TMEM196: variants seen among roughly 807,000 people sequenced by gnomAD.
The protein encoded by TMEM196 is transmembrane protein 196.
A neutral mutation model predicts 20.0 loss-of-function variants in TMEM196; 17 were observed. The observed-to-expected ratio is 0.85, with a 90% confidence interval of 0.58 to 1.27. The LOEUF is 1.27. Ranked by LOEUF, TMEM196 falls within the 50% of genes most tolerant of loss-of-function variation. The pLI is 0.00. For missense variants in TMEM196, 267 were observed against 223.0 expected (o/e 1.20, Z -1.26); for synonymous variants, 113 against 88.9 (o/e 1.27, Z -1.52).
intron 1 of TMEM196, among the ~76,000 whole-genome samples, chr7:19,762,772 T>C (rs1356981001): frequency 1.3e-5 from 2 of 152,188 alleles, no homozygotes; most frequent in African/African-American, 4.8e-5. Context: ...TTGAGTCTGA[T>C]TTGTGACCTG....
At chr7:19,769,547 C>G (rs1199854814) in intron 1 of TMEM196, among the ~76,000 whole-genome samples, 1 of 152,068 alleles carries the variant, frequency 6.6e-6, no homozygotes, top group Admixed American at 6.6e-5. Flanking sequence ...CTCATGCCCT[C>G]CACTGCCAGT....
At chr7:19,728,072 T>A (rs1427366524) in intron 2 of TMEM196, among the ~76,000 whole-genome samples, 1 of 152,140 alleles carries the variant, frequency 6.6e-6, no homozygotes, top group Non-Finnish European at 1.5e-5. Flanking sequence ...GATTTCATCA[T>A]TTTTTTCCTT....
chr7:19,757,306 T>C (rs1224893212), intron 1 of TMEM196, among the ~76,000 whole-genome samples: 1 of 145,884 alleles, frequency 6.9e-6, no homozygotes, highest in African/African-American at 2.5e-5. Flanking sequence ...CCCAAGTAAC[T>C]GGGACTATAG....
At chr7:19,753,301 T>G (rs1402035919) in intron 1 of TMEM196, among the ~76,000 whole-genome samples, 2 of 152,186 alleles carry the variant, frequency 1.3e-5, no homozygotes, top group Non-Finnish European at 2.9e-5. Context: ...TTCTATGTTA[T>G]AACCACCACC....
At chr7:19,764,220 C>T (rs1327826095) in intron 1 of TMEM196, among the ~76,000 whole-genome samples, 7 of 152,318 alleles carry the variant, frequency 4.6e-5, no homozygotes, top group Admixed American at 3.3e-4. Flanking sequence ...ATCTCAGAAC[C>T]CAGCTGGCAT....
chr7:19,768,660 T>C (rs1562631684), intron 1 of TMEM196, among the ~76,000 whole-genome samples: 1 of 152,194 alleles, frequency 6.6e-6, no homozygotes, highest in African/African-American at 2.4e-5. Context: ...GATTTTGTGC[T>C]TTCATTGTAG....
chr7:19,725,901 G>T, intron 2 of TMEM196, 133 bp from the exon 3 acceptor site: 1 of 1,055,162 alleles, frequency 9.5e-7, no homozygotes, highest in Non-Finnish European at 1.3e-6. Context: ...GTGCTTCACA[G>T]AGGACAGGAG....
chr7:19,765,977 G>A (rs1007207116), intron 1 of TMEM196, among the ~76,000 whole-genome samples: 3 of 152,256 alleles, frequency 2.0e-5, no homozygotes, highest in East Asian at 3.9e-4. Context: ...GCAAGGAGCA[G>A]CACAGGCCAG....
intron 1 of TMEM196, among the ~76,000 whole-genome samples, chr7:19,748,187 A>G (rs1784829770): frequency 6.8e-6 from 1 of 147,208 alleles, no homozygotes; most frequent in Non-Finnish European, 1.5e-5. Flanking sequence ...CTTTATAACA[A>G]AGTTTATACA....
At chr7:19,725,870 AAAG>A in intron 2 of TMEM196, 102 bp from the exon 3 acceptor site, 2 of 1,373,482 alleles carry the variant, frequency 1.5e-6, no homozygotes, top group Non-Finnish European at 1.9e-6. Context: ...AGCCTACAAT[AAAG>A]AAGAATAAGC....
rs150775454 is a variant in TMEM196, at chr7:19,763,184, T to C, written c.147+9366A>G. 2.3e-3 allele frequency among the ~76,000 whole-genome samples: 353 copies of C among 152,306 alleles called. 2 individuals carry two copies. Among genetic ancestry groups the C allele is most frequent in the African/African-American group, 8.4e-3 (348 of 41,576 alleles). On this transcript the variant is annotated intron_variant, in intron 1 of 4. Transcript: ENST00000405844. ...TCTTAAATCACTAAAGCCTAAATCC[T>C]TTAGTCTCTCATCCCTTAAGTGAAT...
In TMEM196 at chr7:19,719,620, A is replaced by C. The variant is rs998811773; in HGVS notation, c.*2508T>G. 6.6e-6 allele frequency: 1 copy of C among 152,080 alleles called. No individual in the cohort carries two copies. The highest frequency in any genetic ancestry group is 2.4e-5 in the African/African-American group (1 of 41,446). 9.4% of individuals were successfully genotyped at this position (152,080 alleles called of 1,614,324 possible). A position where few individuals can be genotyped will look rare whatever the true frequency, so the allele number is the denominator to read the frequency against. ...CTCATACTAAAACTATAAGGTAGTC[A>C]CTTAAAACATTCCAGCATGTGGTTC... On this transcript the variant is annotated 3_prime_UTR_variant, in exon 5 of 5. Transcript: ENST00000405844.
chr7:19,739,686 A>G (rs1784521109), intron 1 of TMEM196, among the ~76,000 whole-genome samples: 1 of 152,194 alleles, frequency 6.6e-6, no homozygotes, highest in African/African-American at 2.4e-5. Flanking sequence ...GGAAACATAC[A>G]CAAAAGATAT....
intron 1 of TMEM196, among the ~76,000 whole-genome samples, chr7:19,757,929 A>C (rs974157106): frequency 1.3e-5 from 2 of 151,618 alleles, no homozygotes; most frequent in Non-Finnish European, 2.9e-5. Flanking sequence ...TTTATCTTTT[A>C]AAATAGTGTT....
chr7:19,728,038 G>A (rs1784060572), intron 2 of TMEM196, among the ~76,000 whole-genome samples: 1 of 151,802 alleles, frequency 6.6e-6, no homozygotes. Flanking sequence ...CTACCACCTG[G>A]GCGGTAGTTT....
At chr7:19,768,632 T>A (rs1008149372) in intron 1 of TMEM196, among the ~76,000 whole-genome samples, 3 of 152,150 alleles carry the variant, frequency 2.0e-5, no homozygotes, top group African/African-American at 7.2e-5. Flanking sequence ...TTAATTGTTA[T>A]CTAACAGTTA....
At chr7:19,734,905 A>G (rs978245311) in intron 1 of TMEM196, among the ~76,000 whole-genome samples, 1 of 152,204 alleles carries the variant, frequency 6.6e-6, no homozygotes, top group Non-Finnish European at 1.5e-5. Context: ...AGGACAATAA[A>G]TAGGGAAAGC....
chr7:19,729,260 T>G, intron 2 of TMEM196, 122 bp downstream of exon 2: 4 of 648,464 alleles, frequency 6.2e-6, no homozygotes, highest in African/African-American at 1.9e-5. Context: ...TTGTCAGTTT[T>G]TTTTTTTTTT....
At chr7:19,724,601 CT>C (rs1783926624) in intron 3 of TMEM196, among the ~76,000 whole-genome samples, 1 of 152,120 alleles carries the variant, frequency 6.6e-6, no homozygotes, top group Non-Finnish European at 1.5e-5. Flanking sequence ...AACACTTGCT[CT>C]CCTTATTTGA....
Sources: gnomAD v4.1 joint callset for allele counts (sites outside exome capture counted in the v4.1 genomes callset) on GRCh38, gnomAD v4.1.1 for gene constraint, MANE v1.5 for transcripts, NCBI Gene and HGNC (gene_info 2026-07-23, HGNC 2026-07-21) for gene names.